Variants in HELQ observed in about 807,000 individuals in gnomAD.
HELQ encodes helicase POLQ-like.
In HELQ, 77 loss-of-function variants were observed where a neutral mutation model predicts 111.6. The observed-to-expected ratio is 0.69, with a 90% CI of 0.57 to 0.83. HELQ has a LOEUF of 0.83. Among genes scored for constraint, HELQ ranks in the 40% least tolerant of loss-of-function variants. The pLI is 0.00. For missense variants in HELQ, 1,200 were observed against 1,288.5 expected (o/e 0.93, Z 1.05); for synonymous variants, 438 against 454.7 (o/e 0.96, Z 0.47).
At chr4:83,417,255 T>A (rs921348641) in intron 16 of HELQ, among the ~76,000 whole-genome samples, 12 of 151,458 alleles carry the variant, frequency 7.9e-5, no homozygotes, top group African/African-American at 2.9e-4. Context: ...CAGGCTGGAG[T>A]GCAATGGTGC....
chr4:83,449,120 G>A (rs2110011767), intron 2 of HELQ, among the ~76,000 whole-genome samples, 159 bp from the exon 3 acceptor site: 1 of 152,306 alleles, frequency 6.6e-6, no homozygotes, highest in Non-Finnish European at 1.5e-5. Context: ...TCCCAAATGT[G>A]CAAGTAGTAC....
Position 83,453,409 on chromosome 4 carries a change from C to T in HELQ, c.834G>A (p.Lys278=), listed in dbSNP as rs559919879. The T allele has an allele frequency of 4.5e-4, 719 of 1,604,456 alleles. 12 individuals are homozygous for T. The South Asian group carries it at 7.7e-3, about 17-fold the overall frequency. ...TTCTAGAAAATATTGGTGTCTGGGC[C>T]TTCGCATTTCCAGTCATGGCATTTT... ...HLKNAMTGNA[K]AQTPIFSRSK... Residue 278 remains lysine, a synonymous_variant, in exon 2 of 18, where the codon AAG becomes AAA. Coordinates refer to ENST00000295488, the MANE Select transcript of HELQ (RefSeq NM_133636.5).
intron 15 of HELQ, 22 bp downstream of exon 15, chr4:83,421,513 TTAAAACCAGAAGATGCACAAAGTACATA>T: frequency 6.9e-7 from 1 of 1,439,710 alleles, no homozygotes; most frequent in Non-Finnish European, 9.6e-7. Context: ...TTAGTAACAG[TTAAAACCAGAAGATGCACAAAGTACATA>T]TCATATATTC....
In HELQ at chr4:83,439,776, A is replaced by G. The variant is rs559341253; in HGVS notation, c.1808+87T>C. On this transcript the variant is annotated intron_variant, in intron 8 of 17. Coordinates refer to ENST00000295488, the MANE Select transcript of HELQ (RefSeq NM_133636.5). Reference sequence around the variant, plus strand: ...AACTTAATATGATGTTTTGCAAGGCATAATTAGTGTTTGCCCAATAAAATT... The same window carrying G: ...AACTTAATATGATGTTTTGCAAGGCGTAATTAGTGTTTGCCCAATAAAATT... 31 of 875,602 alleles carry G rather than the reference A, an allele frequency of 3.5e-5. No individual in the cohort carries two copies. The South Asian group carries it at 5.0e-4, about 14-fold the overall frequency. The allele number at this position is 875,602 out of a possible 1,614,324, so 54.2% of individuals were successfully genotyped here.
rs369560307 is a variant in HELQ at position 83,448,684 on chromosome 4, AG to A, written c.1191+98del. 4.5e-3 allele frequency: 4,634 copies of A among 1,023,962 alleles called. 131 individuals carry two copies. The African/African-American group carries it at 0.07, about 15-fold the overall frequency. 63.4% of individuals were successfully genotyped at this position (1,023,962 alleles called of 1,614,324 possible). On this transcript the variant is annotated intron_variant, in intron 3 of 17. Coordinates refer to ENST00000295488, the MANE Select transcript of HELQ (RefSeq NM_133636.5). ...GACTCCATCTCAAAAAAAAAAAAAA[AG>A]AGGTACTTCTCAACAATACAAAGTT...
At chr4:83,408,043 A>G (rs1738880317) in intron 17 of HELQ, among the ~76,000 whole-genome samples, 1 of 152,206 alleles carries the variant, frequency 6.6e-6, no homozygotes, top group Non-Finnish European at 1.5e-5. Context: ...CAACATAATG[A>G]GCAAAAAAAG....
In HELQ at chr4:83,446,011, T is replaced by C; in HGVS notation, c.1465+3A>G. The C allele has an allele frequency of 6.3e-7, 1 of 1,583,464 alleles. No individual in the cohort carries two copies. Among genetic ancestry groups the C allele is most frequent in the Non-Finnish European group, 8.7e-7 (1 of 1,152,916 alleles). ...TCATGACCTCATTTGAAAAAATACTTACTGCTAGTGTAGAGGATTTTTGCT... is the reference window on the plus strand; with the variant it reads ...TCATGACCTCATTTGAAAAAATACTCACTGCTAGTGTAGAGGATTTTTGCT... On this transcript the variant is annotated splice_donor_region_variant and intron_variant, in intron 5 of 17. Coordinates refer to ENST00000295488, the MANE Select transcript of HELQ (RefSeq NM_133636.5).
intron 17 of HELQ, among the ~76,000 whole-genome samples, chr4:83,411,786 TCA>T (rs1739117316): frequency 6.6e-6 from 1 of 151,538 alleles, no homozygotes; most frequent in African/African-American, 2.4e-5. Flanking sequence ...CAGGCACACA[TCA>T]CCATGCCTGG....
In HELQ at chr4:83,432,177, T is replaced by C. The variant is rs1430045493; in HGVS notation, c.2139A>G (p.Ile713Met). ...QMIGRAGRAG[I>M]DTIGESILIL... ...TGAGGATACTCTCCCCAATAGTATC[T>C]ATTCCAGCACGACCAGCTCTGCCAA... The change falls in exon 10 of 18, where the codon ATA becomes ATG. Residue 713 changes from isoleucine to methionine, a missense_variant. Ile to Met is a conservative substitution (Grantham distance 10). This residue lies in a region of HELQ where 585 missense variants were observed against 665.3 expected (regional missense o/e 0.88). Transcript: ENST00000295488. The C allele has an allele frequency of 6.2e-7, 1 of 1,602,490 alleles. No homozygotes were observed. The highest frequency in any genetic ancestry group is 1.3e-5 in the African/African-American group (1 of 74,500).
chr4:83,416,255 T>G (rs114150147), intron 17 of HELQ, among the ~76,000 whole-genome samples: 6,139 of 151,676 alleles, frequency 0.04, 195 homozygotes, highest in Non-Finnish European at 0.066. Flanking sequence ...GCATTTTTTT[T>G]GGGGCGGGGG....
At chr4:83,412,815 C>T (rs1014232797) in intron 17 of HELQ, among the ~76,000 whole-genome samples, 1 of 152,166 alleles carries the variant, frequency 6.6e-6, no homozygotes, top group African/African-American at 2.4e-5. Flanking sequence ...CAGAGCAAGA[C>T]CCTGTCTCCA....
chr4:83,443,746 A>G (rs1720898540), intron 5 of HELQ, 132 bp from the exon 6 acceptor site: 1 of 507,142 alleles, frequency 2.0e-6, no homozygotes, highest in South Asian at 2.8e-5. Flanking sequence ...GGGAGAGGTA[A>G]GTAAGAAAAA....
intron 9 of HELQ, among the ~76,000 whole-genome samples, chr4:83,434,572 C>T (rs1720346804): frequency 6.6e-6 from 1 of 151,842 alleles, no homozygotes; most frequent in South Asian, 2.1e-4. Context: ...AAGCAATCTT[C>T]CCACCTCAGC....
chr4:83,446,966 T>C lies in HELQ; in HGVS notation c.1261A>G (p.Arg421Gly). Residue 421 changes from arginine to glycine, a missense_variant, in exon 4 of 18, where the codon AGA (arginine) becomes GGA (glycine). By Grantham distance (125) the Arg-to-Gly change is moderately radical. Around this residue, in one of 3 missense-constraint regions of HELQ, gnomAD observed 610 missense variants for 607.1 expected, o/e 1.00. Coordinates refer to ENST00000295488, the MANE Select transcript of HELQ (RefSeq NM_133636.5). ...FVEEYAGSKG[R>G]FPPTKRREKK... ...TCCCTTCTTTTAGTTGGAGGAAATCTTCCTTTGCTTCCAGCATATTCTTCA... is the reference window on the plus strand; with the variant it reads ...TCCCTTCTTTTAGTTGGAGGAAATCCTCCTTTGCTTCCAGCATATTCTTCA... The C allele has an allele frequency of 6.2e-7, 1 of 1,613,600 alleles. No individual in the cohort carries two copies. The highest frequency in any genetic ancestry group is 8.5e-7 in the Non-Finnish European group (1 of 1,179,488).
intron 4 of HELQ, among the ~76,000 whole-genome samples, 179 bp downstream of exon 4, chr4:83,446,651 CACTTG>C (rs1229262074): frequency 1.3e-5 from 2 of 152,172 alleles, no homozygotes; most frequent in Admixed American, 1.3e-4. Context: ...CTTCAAGAAA[CACTTG>C]ACACAAAACC....
At position 83,441,318 on chromosome 4, in the gene HELQ, A is replaced by C; in HGVS notation, c.1649T>G (p.Leu550Arg). Residue 550 changes from leucine (L) to arginine (R), a missense_variant, in exon 7 of 18, where the codon CTT becomes CGT. Physicochemically the swap from Leu to Arg is moderately radical, Grantham distance 102. Transcript: ENST00000295488. ...TATCAATGTTACCTTATAATTAAGA[A>C]GACGTGAAAAAGTCATGCCATTCTC... The part of the protein sequence containing the change: ...KAENGMTFSR[L>R]LNYKYSDTLK... The C allele has an allele frequency of 6.4e-7, 1 of 1,569,210 alleles. No homozygotes were observed. Among genetic ancestry groups the C allele is most frequent in the Non-Finnish European group, 8.8e-7 (1 of 1,142,780 alleles).
At chr4:83,450,150 A>G (rs1721272196) in intron 2 of HELQ, among the ~76,000 whole-genome samples, 1 of 149,516 alleles carries the variant, frequency 6.7e-6, no homozygotes, top group Non-Finnish European at 1.5e-5. Context: ...TGTACAATCA[A>G]CCAATGAGAT....
At chr4:83,410,196 C>T (rs1449310028) in intron 17 of HELQ, among the ~76,000 whole-genome samples, 2 of 152,152 alleles carry the variant, frequency 1.3e-5, no homozygotes, top group Admixed American at 1.3e-4. Context: ...CTGCAGTGAG[C>T]TATGATGGTG....
intron 4 of HELQ, 109 bp from the exon 5 acceptor site, chr4:83,446,195 T>C (rs1250455306): frequency 6.8e-6 from 5 of 730,226 alleles, no homozygotes; most frequent in African/African-American, 3.6e-5. Flanking sequence ...GCTTATAACT[T>C]TTAAGTATTT....
Sources: gnomAD v4.1 joint callset for allele counts (sites outside exome capture counted in the v4.1 genomes callset) on GRCh38, gnomAD v4.1.1 for gene constraint, gnomAD v4.1.1 regional missense constraint, MANE v1.5 for transcripts, NCBI Gene and HGNC (gene_info 2026-07-23, HGNC 2026-07-21) for gene names.